The following GPC6 variants were observed in gnomAD, a reference collection of about 807,000 sequenced individuals.
The protein encoded by GPC6 is glypican-6.
A neutral mutation model predicts 55.2 loss-of-function variants in GPC6; 14 were observed. That is an observed-to-expected ratio of 0.25 (90% CI 0.17 to 0.40). The LOEUF is 0.40. Among genes scored for constraint, GPC6 ranks in the 10% least tolerant of loss-of-function variants. The pLI, the probability that GPC6 is intolerant of heterozygous loss-of-function variation, is 1.00. For missense variants in GPC6, 641 were observed against 708.5 expected (o/e 0.90, Z 1.08); for synonymous variants, 278 against 259.6 (o/e 1.07, Z -0.68).
chr13:93,248,116 C>T (rs1260573239), intron 1 of GPC6, among the ~76,000 whole-genome samples: 2 of 152,118 alleles, frequency 1.3e-5, no homozygotes, highest in Non-Finnish European at 2.9e-5. Context: ...TTTATTCTTA[C>T]TCAGAACATG....
Position 94,174,041 on chromosome 13 carries a change from G to T in GPC6, c.878-112308G>T, listed in dbSNP as rs77493222. The stretch of plus-strand genomic sequence containing the variant: ...CTTTTCATTTTTGCTAATAAAAGAG[G>T]CTACTAGTTACATATGATTTTAGCT... On this transcript the variant is annotated intron_variant, in intron 4 of 8. Coordinates refer to ENST00000377047, the MANE Select transcript of GPC6 (RefSeq NM_005708.5). 4.0e-3 allele frequency among the ~76,000 whole-genome samples: 611 copies of T among 152,194 alleles called. 4 individuals carry two copies. Among genetic ancestry groups the T allele is most frequent in the African/African-American group, 0.014 (593 of 41,552 alleles).
intron 3 of GPC6, among the ~76,000 whole-genome samples, chr13:93,854,940 C>T (rs973610340): frequency 2.6e-5 from 4 of 151,558 alleles, no homozygotes; most frequent in Non-Finnish European, 5.9e-5. Context: ...CCTTTCCCCT[C>T]CTGCCCCTCA....
intron 2 of GPC6, among the ~76,000 whole-genome samples, chr13:93,709,573 C>T (rs796987133): frequency 9.9e-5 from 15 of 151,908 alleles, no homozygotes; most frequent in African/African-American, 3.6e-4. Flanking sequence ...ATCCTTTCTT[C>T]CTACTGAAAT....
chr13:93,822,423 G>T (rs943338333), intron 2 of GPC6, among the ~76,000 whole-genome samples: 2 of 152,016 alleles, frequency 1.3e-5, no homozygotes, highest in African/African-American at 4.8e-5. Context: ...ATATTAAGGG[G>T]ACAATAATCA....
chr13:93,490,766 G>A (rs1354132640), intron 1 of GPC6, among the ~76,000 whole-genome samples: 8 of 117,120 alleles, frequency 6.8e-5, no homozygotes, highest in East Asian at 5.1e-4. Context: ...GAGAATATGC[G>A]GTGTTTGGTT....
intron 3 of GPC6, among the ~76,000 whole-genome samples, chr13:93,988,701 T>G (rs1018193543): frequency 6.6e-6 from 1 of 152,052 alleles, no homozygotes; most frequent in Non-Finnish European, 1.5e-5. Flanking sequence ...ATGACCTAAT[T>G]GTCTCCCAAA....
intron 2 of GPC6, among the ~76,000 whole-genome samples, chr13:93,812,032 A>C (rs533933196): frequency 6.6e-6 from 1 of 151,574 alleles, no homozygotes; most frequent in African/African-American, 2.4e-5. Context: ...ATATTCAGTG[A>C]AGTGGTGTTA....
At chr13:93,996,034 A>G (rs968995299) in intron 3 of GPC6, among the ~76,000 whole-genome samples, 1 of 152,238 alleles carries the variant, frequency 6.6e-6, no homozygotes, top group African/African-American at 2.4e-5. Flanking sequence ...AAGTTCCAAT[A>G]ATAGTAATTT....
intron 4 of GPC6, among the ~76,000 whole-genome samples, chr13:94,130,039 G>T (rs1261913124): frequency 2.0e-5 from 3 of 152,032 alleles, no homozygotes; most frequent in African/African-American, 7.2e-5. Flanking sequence ...GTTTCGTGAT[G>T]GAATCATATT....
At chr13:94,104,180 A>G (rs1885970112) in intron 4 of GPC6, among the ~76,000 whole-genome samples, 1 of 152,150 alleles carries the variant, frequency 6.6e-6, no homozygotes, top group Non-Finnish European at 1.5e-5. Flanking sequence ...GTTTGTCGAA[A>G]TTCAGATGGT....
intron 1 of GPC6, among the ~76,000 whole-genome samples, chr13:93,443,493 G>A (rs1317930839): frequency 6.6e-6 from 1 of 152,124 alleles, no homozygotes; most frequent in African/African-American, 2.4e-5. Context: ...GCTCGTAATT[G>A]GGTAGCAAGA....
At chr13:93,384,189 A>G (rs1192533817) in intron 1 of GPC6, among the ~76,000 whole-genome samples, 2 of 152,166 alleles carry the variant, frequency 1.3e-5, no homozygotes, top group Non-Finnish European at 2.9e-5. Flanking sequence ...TTATTAAAAT[A>G]TTTACGATTG....
At chr13:93,558,082 T>A (rs563306420) in intron 2 of GPC6, among the ~76,000 whole-genome samples, 2 of 152,182 alleles carry the variant, frequency 1.3e-5, no homozygotes, top group Non-Finnish European at 2.9e-5. Flanking sequence ...GTGTTTCAAG[T>A]ATAGGAGGTG....
chr13:93,739,986 A>G (rs1285818861), intron 2 of GPC6, among the ~76,000 whole-genome samples: 2 of 152,178 alleles, frequency 1.3e-5, no homozygotes, highest in Non-Finnish European at 2.9e-5. Flanking sequence ...GGGCAGTCAG[A>G]GAAGGCTTCA....
chr13:93,855,059 T>C (rs895954830), intron 3 of GPC6, among the ~76,000 whole-genome samples: 3 of 151,658 alleles, frequency 2.0e-5, no homozygotes, highest in Non-Finnish European at 4.4e-5. Flanking sequence ...ATAGTTTACA[T>C]TAGGTTCACT....
At chr13:93,665,107 G>A (rs1881080527) in intron 2 of GPC6, among the ~76,000 whole-genome samples, 1 of 152,108 alleles carries the variant, frequency 6.6e-6, no homozygotes, top group Non-Finnish European at 1.5e-5. Context: ...TCTACTTTAG[G>A]AATTTATCCT....
intron 2 of GPC6, among the ~76,000 whole-genome samples, chr13:93,782,742 G>A (rs1885694357): frequency 6.6e-6 from 1 of 151,872 alleles, no homozygotes; most frequent in Non-Finnish European, 1.5e-5. Context: ...AGAAATATTT[G>A]TTTAGGTCCT....
chr13:94,295,444 C>T (rs767012822), intron 5 of GPC6, among the ~76,000 whole-genome samples: 10 of 152,092 alleles, frequency 6.6e-5, no homozygotes, highest in Non-Finnish European at 1.3e-4. Flanking sequence ...CACCTAAGGT[C>T]GGAAGATCAG....
chr13:94,372,356 G>A (rs1424725280), intron 6 of GPC6, among the ~76,000 whole-genome samples: 2 of 152,180 alleles, frequency 1.3e-5, no homozygotes, highest in South Asian at 2.1e-4. Context: ...GTGGGTGCGC[G>A]CACCGTGCGC....
Sources: allele counts gnomAD v4.1 joint callset (sites outside exome capture counted in the v4.1 genomes callset), GRCh38; gene constraint gnomAD v4.1.1; transcripts MANE v1.5; gene names NCBI Gene and HGNC (gene_info 2026-07-23, HGNC 2026-07-21).